The following NRG1 variants were observed in gnomAD, a reference collection of about 807,000 sequenced individuals.
NRG1 encodes the protein pro-neuregulin-1, membrane-bound isoform.
Under a neutral mutation model 63.8 loss-of-function variants are expected in NRG1, and 18 were observed. The ratio of observed to expected loss-of-function variants is 0.28; its 90% CI spans 0.19 to 0.42. The LOEUF is 0.42. Among genes scored for constraint, NRG1 ranks in the 10% least tolerant of loss-of-function variants. NRG1 has a pLI of 1.00. For synonymous variants in NRG1, 302 were observed against 301.3 expected (o/e 1.00, Z -0.02); for missense variants, 762 against 814.7 (o/e 0.94, Z 0.79).
chr8:32,693,641 A>C (rs1369630996), intron 5 of NRG1, among the ~76,000 whole-genome samples: 1 of 151,908 alleles, frequency 6.6e-6, no homozygotes, highest in African/African-American at 2.4e-5. Context: ...CTTTTTAGCC[A>C]GTCTCTATTT....
At chr8:31,746,794 G>A (rs553896263) in intron 1 of NRG1, among the ~76,000 whole-genome samples, 1 of 152,002 alleles carries the variant, frequency 6.6e-6, no homozygotes, top group South Asian at 2.1e-4. Context: ...AAGAAAATGT[G>A]GTGCTTATAT....
intron 1 of NRG1, among the ~76,000 whole-genome samples, chr8:32,180,917 C>T (rs1479615246): frequency 2.0e-5 from 3 of 152,122 alleles, no homozygotes; most frequent in African/African-American, 7.2e-5. Context: ...CCTTCCACCA[C>T]TCTCTGTCCT....
intron 1 of NRG1, among the ~76,000 whole-genome samples, chr8:31,895,615 G>A (rs536544811): frequency 1.3e-5 from 2 of 152,198 alleles, no homozygotes; most frequent in Admixed American, 1.3e-4. Context: ...TAGTGCAGTG[G>A]CCCAAATTTT....
At chr8:32,206,335 A>G (rs1314460854) in intron 1 of NRG1, among the ~76,000 whole-genome samples, 1 of 152,160 alleles carries the variant, frequency 6.6e-6, no homozygotes, top group Non-Finnish European at 1.5e-5. Flanking sequence ...AGTGAAAGTC[A>G]TGGAGCCTAT....
At chr8:31,903,692 C>T (rs73578548) in intron 1 of NRG1, among the ~76,000 whole-genome samples, 5,604 of 152,204 alleles carry the variant, frequency 0.037, 323 homozygotes, top group African/African-American at 0.13. Flanking sequence ...TGGTGGATCA[C>T]GCGTGTAATC....
At chr8:32,226,202 C>G (rs1383728416) in intron 1 of NRG1, among the ~76,000 whole-genome samples, 2 of 152,112 alleles carry the variant, frequency 1.3e-5, no homozygotes, top group Non-Finnish European at 2.9e-5. Flanking sequence ...AACATTAGAT[C>G]TGATTTGGCC....
In NRG1 at chr8:32,742,159, T is replaced by A; in HGVS notation, c.633-516T>A. On this transcript the variant is annotated intron_variant, in intron 6 of 11. Coordinates refer to ENST00000356819, the Ensembl canonical transcript of NRG1. The surrounding 1 kb of genome is among the most constrained non-coding windows in gnomAD (Gnocchi z 4.2). ...ACTTGGTGCTTTTACAGCTCAGTCG[T>A]AACTGATTCATTTTGTTCTAATTAT... 9.3e-7 allele frequency: 1 copy of A among 1,079,222 alleles called. No individual in the cohort carries two copies. Among genetic ancestry groups the A allele is most frequent in the Non-Finnish European group, 1.4e-6 (1 of 701,534 alleles). 66.9% of individuals were successfully genotyped at this position (1,079,222 alleles called of 1,614,324 possible). A position where few individuals can be genotyped will look rare whatever the true frequency, so the allele number is the denominator to read the frequency against.
At chr8:32,012,122 T>A (rs543992571) in intron 1 of NRG1, among the ~76,000 whole-genome samples, 1 of 152,182 alleles carries the variant, frequency 6.6e-6, no homozygotes, top group East Asian at 1.9e-4. Flanking sequence ...AGCAAGAGCT[T>A]TCTATTGGAA....
chr8:32,648,390 T>TAG (rs146965117), intron 5 of NRG1: 517 of 1,581,762 alleles, frequency 3.3e-4, no homozygotes, highest in African/African-American at 2.2e-3. Context: ...ACTTTGTAAG[T>TAG]AGAGAGAGAG....
intron 1 of NRG1, among the ~76,000 whole-genome samples, chr8:32,537,086 C>G (rs917032152): frequency 6.8e-6 from 1 of 146,688 alleles, no homozygotes; most frequent in Non-Finnish European, 1.5e-5. Context: ...ATGCCAGCTA[C>G]TCGGGAGGCT....
chr8:32,010,660 T>C (rs933803988), intron 1 of NRG1, among the ~76,000 whole-genome samples: 37 of 152,116 alleles, frequency 2.4e-4, no homozygotes, highest in African/African-American at 8.4e-4. Context: ...TGTTATCTTC[T>C]TCATTTTAAT....
chr8:31,714,704 ATCTG>A (rs1450901978), intron 1 of NRG1, among the ~76,000 whole-genome samples: 8 of 152,250 alleles, frequency 5.3e-5, no homozygotes, highest in African/African-American at 1.4e-4. Context: ...TCATCTATCT[ATCTG>A]TCTATCACCT....
chr8:32,366,673 GTGTGTATATATATA>G (rs1174475413), intron 1 of NRG1, among the ~76,000 whole-genome samples: 1 of 42,982 alleles, frequency 2.3e-5, no homozygotes, highest in Non-Finnish European at 4.5e-5. Flanking sequence ...GTGTGTGTGT[GTGTGTATATATATA>G]TATATATATA....
intron 1 of NRG1, among the ~76,000 whole-genome samples, chr8:31,778,067 C>T (rs1435788796): frequency 6.6e-6 from 1 of 152,138 alleles, no homozygotes; most frequent in Non-Finnish European, 1.5e-5. Context: ...TTGGGATTCA[C>T]GATTGGTTAA....
At chr8:32,614,662 C>T in intron 4 of NRG1, 98 bp downstream of exon 4, 2 of 1,028,312 alleles carry the variant, frequency 1.9e-6, no homozygotes, top group Non-Finnish European at 1.5e-6. Context: ...GCATCCAGAC[C>T]TCTCAGCTGC....
intron 1 of NRG1, among the ~76,000 whole-genome samples, chr8:32,591,798 G>A (rs961409231): frequency 6.6e-6 from 1 of 152,044 alleles, no homozygotes; most frequent in Admixed American, 6.6e-5. Flanking sequence ...TGAGAGCGGA[G>A]GGTGAGAAGA....
intron 1 of NRG1, among the ~76,000 whole-genome samples, chr8:32,165,876 G>A (rs1839345693): frequency 6.6e-6 from 1 of 151,988 alleles, no homozygotes; most frequent in African/African-American, 2.4e-5. Flanking sequence ...ATCATTCATT[G>A]CCCCGAAAGC....
chr8:32,336,606 AT>A (rs1803302096), intron 1 of NRG1, among the ~76,000 whole-genome samples: 1 of 152,054 alleles, frequency 6.6e-6, no homozygotes, highest in African/African-American at 2.4e-5. Context: ...TAGAGTGGAC[AT>A]TTTTTTGTTT....
chr8:31,867,089 CTCT>C (rs1176547526), intron 1 of NRG1, among the ~76,000 whole-genome samples: 1 of 152,048 alleles, frequency 6.6e-6, no homozygotes, highest in Non-Finnish European at 1.5e-5. Context: ...AGCCTTTTAC[CTCT>C]TCTTTTTTTC....
Sources: gnomAD v4.1 joint callset for allele counts (sites outside exome capture counted in the v4.1 genomes callset) on GRCh38, gnomAD v4.1.1 for gene constraint, Gnocchi (gnomAD v3.1) non-coding constraint, MANE v1.5 for transcripts, NCBI Gene and HGNC (gene_info 2026-07-23, HGNC 2026-07-21) for gene names.